The following TMA7B variants were observed in gnomAD, a reference collection of about 807,000 sequenced individuals.
TMA7B encodes translation machinery-associated protein 7B.
At chr22:39,964,190 A>G in the TMA7B span, 2 of 531,114 alleles carry the variant, frequency 3.8e-6, no homozygotes, top group East Asian at 3.1e-5. Context: ...TGACTTGGCA[A>G]TGAAGTAAAA....
the TMA7B span, among the ~76,000 whole-genome samples, chr22:39,961,595 G>A: frequency 2.2e-4 from 33 of 152,290 alleles, no homozygotes; most frequent in South Asian, 1.7e-3. Flanking sequence ...CAGTCCACGC[G>A]TAGACATTAC....
chr22:39,964,318 T>C, the TMA7B span: 3 of 688,202 alleles, frequency 4.4e-6, no homozygotes, highest in African/African-American at 5.3e-5. Flanking sequence ...CAAAAGGTGC[T>C]GATCTAAAAG....
At chr22:39,961,812 T>C in the TMA7B span, among the ~76,000 whole-genome samples, 5 of 152,368 alleles carry the variant, frequency 3.3e-5, no homozygotes, top group Admixed American at 2.0e-4. Flanking sequence ...TTGAAAGGCA[T>C]AAAGCTTTGT....
chr22:39,964,350 G>A, the TMA7B span: 1 of 711,768 alleles, frequency 1.4e-6, no homozygotes, highest in Non-Finnish European at 2.5e-6. Flanking sequence ...CAGTGGCAGG[G>A]TCTGGGGAAG....
At chr22:39,964,795 G>C in the TMA7B span, 1 of 384,444 alleles carries the variant, frequency 2.6e-6, no homozygotes, top group Non-Finnish European at 4.6e-6. Context: ...CCATAACTGT[G>C]AATTTAAAGT....
the TMA7B span, chr22:39,964,595 G>A: frequency 1.3e-6 from 1 of 767,694 alleles, no homozygotes; most frequent in Non-Finnish European, 2.4e-6. Flanking sequence ...TAAGGAGACG[G>A]TGACCCTTTA....
At chr22:39,964,751 C>G in the TMA7B span, 11 of 484,828 alleles carry the variant, frequency 2.3e-5, no homozygotes, top group South Asian at 3.9e-4. Context: ...AGTGGCTCAT[C>G]ATCTCTTTAG....
the TMA7B span, among the ~76,000 whole-genome samples, chr22:39,962,971 A>C: frequency 2.0e-5 from 3 of 152,096 alleles, no homozygotes; most frequent in Non-Finnish European, 4.4e-5. Flanking sequence ...GCCCGGACCC[A>C]GAACTATGGT....
At chr22:39,964,508 C>T in the TMA7B span, 8 of 1,019,618 alleles carry the variant, frequency 7.8e-6, no homozygotes, top group East Asian at 2.4e-5. Flanking sequence ...GTGCTAAAAG[C>T]GAAGGTCGTG....
the TMA7B span, chr22:39,964,782 C>T: frequency 4.9e-6 from 2 of 411,986 alleles, no homozygotes; most frequent in South Asian, 6.2e-5. Context: ...TAAGTCATTC[C>T]TACCATAACT....
chr22:39,964,778 A>G, the TMA7B span: 2 of 432,490 alleles, frequency 4.6e-6, no homozygotes, highest in East Asian at 3.7e-5. Flanking sequence ...TCACTAAGTC[A>G]TTCCTACCAT....
At chr22:39,964,316 G>A in the TMA7B span, 3 of 687,604 alleles carry the variant, frequency 4.4e-6, no homozygotes, top group South Asian at 4.6e-5. Flanking sequence ...AACAAAAGGT[G>A]CTGATCTAAA....
At chr22:39,960,525 G>A in the TMA7B span, 2 of 217,416 alleles carry the variant, frequency 9.2e-6, no homozygotes, top group Non-Finnish European at 1.9e-5. Context: ...TGGAAGGAAG[G>A]AGGGATAGGA....
chr22:39,961,314 G>C, the TMA7B span, among the ~76,000 whole-genome samples: 1 of 152,100 alleles, frequency 6.6e-6, no homozygotes, highest in African/African-American at 2.4e-5. Context: ...AGACAGGAGG[G>C]CAGGAGAAGG....
the TMA7B span, among the ~76,000 whole-genome samples, chr22:39,962,499 C>T: frequency 3.3e-5 from 5 of 152,022 alleles, no homozygotes; most frequent in South Asian, 2.1e-4. Flanking sequence ...ATTTAACATG[C>T]GTGTATATAT....
the TMA7B span, chr22:39,964,226 C>G: frequency 1.7e-6 from 1 of 576,046 alleles, no homozygotes; most frequent in Non-Finnish European, 3.1e-6. Context: ...AAGGCTCAGC[C>G]CACCCTTCCT....
At chr22:39,964,501 C>T in the TMA7B span, 2 of 1,036,588 alleles carry the variant, frequency 1.9e-6, no homozygotes, top group Non-Finnish European at 3.0e-6. Flanking sequence ...ACTCGAGGTG[C>T]TAAAAGCGAA....
chr22:39,963,330 AC>A, the TMA7B span, among the ~76,000 whole-genome samples: 1 of 152,102 alleles, frequency 6.6e-6, no homozygotes, highest in South Asian at 2.1e-4. Flanking sequence ...CTCCTTGTAG[AC>A]CCAGATAACC....
the TMA7B span, chr22:39,964,705 T>G: frequency 1.7e-5 from 6 of 343,146 alleles, no homozygotes; most frequent in Non-Finnish European, 2.5e-5. Flanking sequence ...CATTTAAGAA[T>G]AAACTTTTGT....
Sources: gnomAD v4.1 joint callset for allele counts (sites outside exome capture counted in the v4.1 genomes callset) on GRCh38, gnomAD v4.1.1 for gene constraint, MANE v1.5 for transcripts, NCBI Gene and HGNC (gene_info 2026-07-23, HGNC 2026-07-21) for gene names.